COL6A6: variants seen among roughly 807,000 people sequenced by gnomAD.
COL6A6 encodes the protein collagen alpha-6(VI) chain.
Under a neutral mutation model 208.6 loss-of-function variants are expected in COL6A6, and 183 were observed. The ratio of observed to expected loss-of-function variants is 0.88; its 90% confidence interval spans 0.78 to 0.99. The LOEUF (loss-of-function observed/expected upper bound fraction) is 0.99. Among genes scored for constraint, COL6A6 ranks in the 50% least tolerant of loss-of-function variants. The pLI is 0.00. For missense variants in COL6A6, 2,816 were observed against 2,815.2 expected, an observed-to-expected ratio of 1.00 and a Z score of -0.01; for synonymous variants, 973 against 1,011.8, an observed-to-expected ratio of 0.96 and a Z score of 0.73.
Position 130,676,894 on chromosome 3 carries a change from G to A in COL6A6, c.*1497G>A, listed in dbSNP as rs1194407515. On this transcript the variant is annotated 3_prime_UTR_variant, in exon 37 of 37. Coordinates refer to ENST00000358511, the MANE Select transcript of COL6A6 (RefSeq NM_001102608.3). ...TGTTTCAAGTACAGGAAATTAATGA[G>A]CAATATTTACAATGTATTTTAATAA... is the stretch of plus-strand genomic sequence containing the variant. The A allele has an allele frequency of 6.6e-6, 1 of 152,150 alleles. No individual in the cohort carries two copies. The highest frequency in any genetic ancestry group is 6.5e-5 in the Admixed American group (1 of 15,270). The allele number at this position is 152,150 out of a possible 1,614,324, so 9.4% of individuals were successfully genotyped here. A position where few individuals can be genotyped will look rare whatever the true frequency, so the allele number is the denominator to read the frequency against.
intron 31 of COL6A6, among the ~76,000 whole-genome samples, chr3:130,643,426 G>A (rs1199099344): frequency 6.6e-6 from 1 of 152,168 alleles, no homozygotes; most frequent in African/African-American, 2.4e-5. Context: ...CCTGGTGGGT[G>A]CGAGTCCTGA....
intron 8 of COL6A6, among the ~76,000 whole-genome samples, chr3:130,577,990 C>T (rs1006143432): frequency 2.0e-5 from 3 of 152,140 alleles, no homozygotes; most frequent in Admixed American, 6.5e-5. Context: ...AATAAATATA[C>T]GTGGTATTTT....
At chr3:130,568,683 C>A in intron 6 of COL6A6, 79 bp downstream of exon 6, 2 of 1,282,652 alleles carry the variant, frequency 1.6e-6, no homozygotes, top group Non-Finnish European at 1.1e-6. Context: ...GAATTTAATT[C>A]TATTTACATA....
chr3:130,586,774 GT>G, intron 11 of COL6A6, 114 bp downstream of exon 11: 1 of 1,032,476 alleles, frequency 9.7e-7, no homozygotes, highest in Non-Finnish European at 1.4e-6. Flanking sequence ...GTGAAGAAAG[GT>G]TTTTATGAAT....
Position 130,627,334 on chromosome 3 carries a change from C to T in COL6A6, c.4957C>T (p.Pro1653Ser). 1 of 1,613,590 alleles carries T rather than the reference C, an allele frequency of 6.2e-7. No homozygotes were observed. The highest frequency in any genetic ancestry group is 2.2e-5 in the East Asian group (1 of 44,884). The change falls in exon 26 of 37, where the codon CCA (proline) becomes TCA (serine). Residue 1653 changes from proline (P) to serine (S), a missense_variant. Coordinates refer to ENST00000358511, the MANE Select transcript of COL6A6 (RefSeq NM_001102608.3). ...CTGTTTACAGGGCAATGATGGCAGT[C>T]CAGGTTATGGTAGTGTCGGACGCAA... ...PRGLQGNDGS[P>S]GYGSVGRKGA...
In COL6A6 at chr3:130,599,805, A is replaced by C. The variant is rs2108132712; in HGVS notation, c.4648A>C (p.Lys1550Gln). ...CCCCGGGACACCAGGCTCCAGAAGA[A>C]AGACAGTAAGAGCCCTTCTAGACAA... ...GPPGTPGSRRKTAAHGRRGHT... is the reference protein window; with the variant it reads ...GPPGTPGSRRQTAAHGRRGHT... The change falls in exon 20 of 37, where the codon AAG becomes CAG. Residue 1550 changes from lysine to glutamine, a missense_variant. Transcript: ENST00000358511. 1 of 1,613,704 alleles carries C rather than the reference A, an allele frequency of 6.2e-7. No individual in the cohort carries two copies. The highest frequency in any genetic ancestry group is 1.7e-4 in the Middle Eastern group (1 of 6,060).
chr3:130,600,891 G>GA lies in COL6A6; in HGVS notation c.4653+1090dup, dbSNP rs760281180. ...AAATAAAAATAAAAATTTAAAACAG[G>GA]AAAAAAAAAGGGGGAAAGAAAAGAA... On this transcript the variant is annotated intron_variant, in intron 20 of 36. Coordinates refer to ENST00000358511, the MANE Select transcript of COL6A6 (RefSeq NM_001102608.3). Among the ~76,000 whole-genome samples the GA allele has an allele frequency of 1.7e-3, 250 of 149,802 alleles. 2 individuals carry two copies. Among genetic ancestry groups the GA allele is most frequent in the Middle Eastern group, 3.4e-3 (1 of 294 alleles).
chr3:130,539,161 G>T (rs2062295187), intron 1 of COL6A6, among the ~76,000 whole-genome samples: 1 of 152,168 alleles, frequency 6.6e-6, no homozygotes, highest in South Asian at 2.1e-4. Context: ...TGCTGAGGTT[G>T]CATTGGCTGG....
chr3:130,582,612 A>G (rs758781215), intron 10 of COL6A6, among the ~76,000 whole-genome samples: 3 of 152,174 alleles, frequency 2.0e-5, no homozygotes, highest in Non-Finnish European at 2.9e-5. Context: ...TTTTGAACCA[A>G]AAGCTATTCT....
intron 1 of COL6A6, among the ~76,000 whole-genome samples, chr3:130,536,973 A>AT (rs1231826992): frequency 6.6e-6 from 1 of 152,194 alleles, no homozygotes; most frequent in African/African-American, 2.4e-5. Flanking sequence ...CTGAGATCTA[A>AT]TTTTTTTAAG....
chr3:130,634,238 TAAA>T (rs2065037456), intron 26 of COL6A6, among the ~76,000 whole-genome samples: 1 of 16,210 alleles, frequency 6.2e-5, no homozygotes, highest in Non-Finnish European at 9.2e-5. Flanking sequence ...AATAAATAAA[TAAA>T]TAAAAAAAAA....
At position 130,661,882 on chromosome 3, in the gene COL6A6, A is replaced by ATC. The variant is rs776003286; in HGVS notation, c.6076_6077insTC (p.Lys2026IlefsTer20). 2.5e-6 allele frequency: 4 copies of ATC among 1,613,930 alleles called. No individual in the cohort carries two copies. In the East Asian group the frequency reaches 8.9e-5, roughly 36 times the overall value. ...CCCCGACTTCCTACCCAACACTCAGAAGAGTCCAGTTAGAGCTGAGTTCAA... is the reference window on the plus strand; with the variant it reads ...CCCCGACTTCCTACCCAACACTCAGATCAGAGTCCAGTTAGAGCTGAGTTCAA... On this transcript the variant is annotated frameshift_variant, in exon 35 of 37. Coordinates refer to ENST00000358511, the MANE Select transcript of COL6A6 (RefSeq NM_001102608.3). LOFTEE classifies it high-confidence loss of function.
At chr3:130,650,629 G>GA in intron 33 of COL6A6, among the ~76,000 whole-genome samples, 1 of 149,732 alleles carries the variant, frequency 6.7e-6, no homozygotes, top group East Asian at 2.0e-4. Flanking sequence ...AAAGAAAAAA[G>GA]AAAAAGGCCA....
chr3:130,599,665 A>G (rs2108131199), intron 19 of COL6A6, 92 bp from the exon 20 acceptor site: 3 of 1,299,444 alleles, frequency 2.3e-6, no homozygotes, highest in Middle Eastern at 1.8e-4. Context: ...GTGTGAACCT[A>G]TCTATCCTCC....
In COL6A6 at chr3:130,670,787, C is replaced by T. The variant is rs533523426; in HGVS notation, c.6597-4415C>T. On this transcript the variant is annotated intron_variant, in intron 36 of 36. Coordinates refer to ENST00000358511, the MANE Select transcript of COL6A6 (RefSeq NM_001102608.3). ...GCAAGTCTGTCCAATCTGTGGCCTA[C>T]AGGCTGCATGAGGCTCAGGACAGCT... Among the ~76,000 whole-genome samples, 13 of 152,374 alleles carry T rather than the reference C, an allele frequency of 8.5e-5. No individual in the cohort carries two copies. In the South Asian group the frequency reaches 2.7e-3, roughly 32 times the overall value.
intron 19 of COL6A6, 107 bp downstream of exon 19, chr3:130,598,537 A>G (rs1282890856): frequency 2.7e-6 from 2 of 752,654 alleles, no homozygotes; most frequent in Non-Finnish European, 4.5e-6. Flanking sequence ...AAGTGGATAT[A>G]CTTGGTACAG....
At chr3:130,610,101 T>A (rs2064310946) in intron 22 of COL6A6, among the ~76,000 whole-genome samples, 1 of 152,098 alleles carries the variant, frequency 6.6e-6, no homozygotes, top group Non-Finnish European at 1.5e-5. Flanking sequence ...GAAACTTACT[T>A]TTTTTAATGG....
intron 23 of COL6A6, among the ~76,000 whole-genome samples, chr3:130,611,073 G>T (rs1381998620): frequency 6.6e-6 from 1 of 152,044 alleles, no homozygotes; most frequent in Non-Finnish European, 1.5e-5. Flanking sequence ...TCTCCTGGGG[G>T]AATTCTAAAA....
chr3:130,591,851 C>A (rs1350456924), intron 13 of COL6A6, among the ~76,000 whole-genome samples: 1 of 152,038 alleles, frequency 6.6e-6, no homozygotes, highest in African/African-American at 2.4e-5. Context: ...GGGAACGCTG[C>A]GAACAAGGAG....
Sources: gnomAD v4.1 joint callset for allele counts (sites outside exome capture counted in the v4.1 genomes callset) on GRCh38, gnomAD v4.1.1 for gene constraint, MANE v1.5 for transcripts, NCBI Gene and HGNC (gene_info 2026-07-23, HGNC 2026-07-21) for gene names.